USP6NL: variants seen among roughly 807,000 people sequenced by gnomAD.
USP6NL encodes USP6 N-terminal-like protein.
USP6NL carries 26 observed loss-of-function variants against 61.9 expected under a neutral mutation model. The observed-to-expected ratio is 0.42, with a 90% confidence interval of 0.31 to 0.58. The LOEUF is 0.58. USP6NL is among the 20% of genes least tolerant of loss of function. The pLI is 0.16. For missense variants in USP6NL, 1,114 were observed against 1,034.3 expected (o/e 1.08, Z -1.06); for synonymous variants, 432 against 390.1 (o/e 1.11, Z -1.27).
intron 2 of USP6NL, among the ~76,000 whole-genome samples, chr10:11,557,282 A>AG (rs1376653453): frequency 6.6e-6 from 1 of 152,216 alleles, no homozygotes; most frequent in Non-Finnish European, 1.5e-5. Context: ...AGTAATAGAA[A>AG]GGATTAAGGA....
chr10:11,493,730 C>T (rs2133275234), intron 7 of USP6NL, among the ~76,000 whole-genome samples: 1 of 152,348 alleles, frequency 6.6e-6, no homozygotes, highest in East Asian at 1.9e-4. Flanking sequence ...GTTCCACCAG[C>T]TTCATCTTGC....
chr10:11,592,535 T>C lies in USP6NL; in HGVS notation c.4+5096A>G, dbSNP rs1003916004. ...TTCCCAAATCTAAATTTATCAAACATAAATGAGTCTTAATATAACAAAAGG... is the reference window on the plus strand; with the variant it reads ...TTCCCAAATCTAAATTTATCAAACACAAATGAGTCTTAATATAACAAAAGG... On this transcript the variant is annotated intron_variant, in intron 2 of 14. Transcript: ENST00000609104. This position sits in a 1 kb window ranked among gnomAD's most constrained non-coding sequence, Gnocchi z 4.7. 2.6e-4 allele frequency among the ~76,000 whole-genome samples: 40 copies of C among 152,234 alleles called. 1 individual carries two copies. The highest frequency in any genetic ancestry group is 2.2e-3 in the Admixed American group (34 of 15,286).
intron 2 of USP6NL, among the ~76,000 whole-genome samples, chr10:11,550,563 C>T (rs1836443426): frequency 6.6e-6 from 1 of 151,954 alleles, no homozygotes. Flanking sequence ...CAAGACCAGC[C>T]CAGCCAACAT....
At position 11,573,170 on chromosome 10, in the gene USP6NL, CAAAT is replaced by C. The variant is rs148316590; in HGVS notation, c.4+24457_4+24460del. On this transcript the variant is annotated intron_variant, in intron 2 of 14. Transcript: ENST00000609104. ...ACTATTATTTTATCAGCTATTCACA[CAAAT>C]AAAAATCATCTAGTTCTTATGTTCT... 3.1e-3 allele frequency among the ~76,000 whole-genome samples: 473 copies of C among 152,246 alleles called. 6 individuals carry two copies. Among genetic ancestry groups the C allele is most frequent in the African/African-American group, 0.011 (459 of 41,574 alleles).
rs145034794 is a variant in USP6NL at position 11,513,230 on chromosome 10, T to C, written c.196-3555A>G. Among the ~76,000 whole-genome samples the C allele has an allele frequency of 0.027, 4,164 of 152,308 alleles. 77 individuals carry two copies. The highest frequency in any genetic ancestry group is 0.046 in the Non-Finnish European group (3,097 of 68,032). ...GGAGGGGTGGGAAGTAGAATGAATATGAACAGATAGACTGAAACCAGAATG... is the reference window on the plus strand; with the variant it reads ...GGAGGGGTGGGAAGTAGAATGAATACGAACAGATAGACTGAAACCAGAATG... On this transcript the variant is annotated intron_variant, in intron 5 of 14. Coordinates refer to ENST00000609104, the MANE Select transcript of USP6NL (RefSeq NM_014688.5). This position sits in a 1 kb window ranked among gnomAD's most constrained non-coding sequence, Gnocchi z 4.7.
Position 11,474,018 on chromosome 10 carries a change from G to A in USP6NL, c.1078+7752C>T, listed in dbSNP as rs776793360. Among the ~76,000 whole-genome samples, 8 of 151,996 alleles carry A rather than the reference G, an allele frequency of 5.3e-5. No individual in the cohort carries two copies. The highest frequency in any genetic ancestry group is 1.3e-4 in the Admixed American group (2 of 15,270). ...GCACCACCTTCGAGATAATAAAGGC[G>A]GTGCCACCCGATGGAACTCACCTGG... On this transcript the variant is annotated intron_variant, in intron 14 of 14. Coordinates refer to ENST00000609104, the MANE Select transcript of USP6NL (RefSeq NM_014688.5). This position sits in a 1 kb window ranked among gnomAD's most constrained non-coding sequence, Gnocchi z 4.9.
rs1451658267 is a variant in USP6NL at position 11,485,243 on chromosome 10, A to T, written c.760-9T>A. 12 of 1,517,074 alleles carry T rather than the reference A, an allele frequency of 7.9e-6. No homozygotes were observed. Among genetic ancestry groups the T allele is most frequent in the Non-Finnish European group, 1.1e-5 (12 of 1,137,652 alleles). 94.0% of individuals were successfully genotyped at this position (1,517,074 alleles called of 1,614,324 possible). ...TAGATTTCTTGAGAATCCTGAAAAA[A>T]CAAAGAGCTCACAATTTATGGATTG... On this transcript the variant is annotated splice_polypyrimidine_tract_variant and intron_variant, in intron 11 of 14. Coordinates refer to ENST00000609104, the MANE Select transcript of USP6NL (RefSeq NM_014688.5). The surrounding 1 kb of genome is among the most constrained non-coding windows in gnomAD (Gnocchi z 4.8).
Position 11,476,671 on chromosome 10 carries a change from C to T in USP6NL, c.1078+5099G>A, listed in dbSNP as rs1006732980. ...CCAAACCCACACACAAAAACCCCCA[C>T]AAAACTCCTCTTCACACAAATCTAG... On this transcript the variant is annotated intron_variant, in intron 14 of 14. Coordinates refer to ENST00000609104, the MANE Select transcript of USP6NL (RefSeq NM_014688.5). This position sits in a 1 kb window ranked among gnomAD's most constrained non-coding sequence, Gnocchi z 4.3. Among the ~76,000 whole-genome samples the T allele has an allele frequency of 1.3e-5, 2 of 152,062 alleles. No individual in the cohort carries two copies. The highest frequency in any genetic ancestry group is 4.2e-4 in the South Asian group (2 of 4,816).
rs1476350735 is a variant in USP6NL at position 11,461,607 on chromosome 10, G to GC, written c.*833dup. 1.3e-5 allele frequency: 2 copies of GC among 152,318 alleles called. No homozygotes were observed. Among genetic ancestry groups the GC allele is most frequent in the East Asian group, 1.9e-4 (1 of 5,194 alleles). 9.4% of individuals were successfully genotyped at this position (152,318 alleles called of 1,614,324 possible). On this transcript the variant is annotated 3_prime_UTR_variant, in exon 15 of 15. Transcript: ENST00000609104. Reference sequence around the variant, plus strand: ...TGCAACTTCTCCTGCTCTGAGATTCGCAAGAGTCAGACCAGAACAAAGGGC... The same window carrying GC: ...TGCAACTTCTCCTGCTCTGAGATTCGCCAAGAGTCAGACCAGAACAAAGGGC...
chr10:11,590,366 G>T lies in USP6NL; in HGVS notation c.4+7265C>A, dbSNP rs561585116. Among the ~76,000 whole-genome samples the T allele has an allele frequency of 4.6e-5, 7 of 152,230 alleles. No individual in the cohort carries two copies. The South Asian group carries it at 1.5e-3, about 32-fold the overall frequency. On this transcript the variant is annotated intron_variant, in intron 2 of 14. Coordinates refer to ENST00000609104, the MANE Select transcript of USP6NL (RefSeq NM_014688.5). ...TACAATGGCACCCATCACATACACT[G>T]ATAGCCACAAATTCCCTTAGTAGAA...
chr10:11,570,965 T>C (rs1438300835), intron 2 of USP6NL, among the ~76,000 whole-genome samples: 1 of 152,174 alleles, frequency 6.6e-6, no homozygotes, highest in African/African-American at 2.4e-5. Flanking sequence ...ACTAACCCAC[T>C]AGACTATGTT....
Position 11,562,013 on chromosome 10 carries a change from G to T in USP6NL, c.5-34446C>A, listed in dbSNP as rs1421097587. Among the ~76,000 whole-genome samples, 1 of 152,122 alleles carries T rather than the reference G, an allele frequency of 6.6e-6. No individual in the cohort carries two copies. Among genetic ancestry groups the T allele is most frequent in the Non-Finnish European group, 1.5e-5 (1 of 68,010 alleles). On this transcript the variant is annotated intron_variant, in intron 2 of 14. Transcript: ENST00000609104. The surrounding 1 kb of genome is among the most constrained non-coding windows in gnomAD (Gnocchi z 4.8). ...TGTTCTGAGTAAAAAAAAGAAATTT[G>T]CTCATGCCTGTAATCCCAGCACTTT... is the stretch of plus-strand genomic sequence containing the variant.
In USP6NL at chr10:11,540,615, A is replaced by AT. The variant is rs554012366; in HGVS notation, c.5-13049dup. Among the ~76,000 whole-genome samples, 66 of 152,310 alleles carry AT rather than the reference A, an allele frequency of 4.3e-4. No homozygotes were observed. Among genetic ancestry groups the AT allele is most frequent in the African/African-American group, 1.4e-3 (58 of 41,566 alleles). On this transcript the variant is annotated intron_variant, in intron 2 of 14. Coordinates refer to ENST00000609104, the MANE Select transcript of USP6NL (RefSeq NM_014688.5). This position sits in a 1 kb window ranked among gnomAD's most constrained non-coding sequence, Gnocchi z 5.0. ...ACAAGAAATGTTCTAATTACAGCAA[A>AT]TTCTTGCAGACCAGATATAAGAAGA...
intron 8 of USP6NL, 21 bp downstream of exon 8, chr10:11,493,098 A>C: frequency 6.4e-7 from 1 of 1,551,694 alleles, no homozygotes. Flanking sequence ...TTAACATTTC[A>C]TAATATTAAA....
intron 2 of USP6NL, among the ~76,000 whole-genome samples, chr10:11,530,188 G>A (rs1406997931): frequency 7.9e-5 from 12 of 151,158 alleles, no homozygotes; most frequent in Non-Finnish European, 1.5e-4. Context: ...TATCAGAACT[G>A]CAAAACATGA....
intron 1 of USP6NL, among the ~76,000 whole-genome samples, chr10:11,608,658 C>T (rs1258742421): frequency 1.3e-5 from 2 of 152,310 alleles, no homozygotes; most frequent in Admixed American, 1.3e-4. Context: ...GCTCCCTGTA[C>T]TTCACATCAA....
chr10:11,508,918 T>C lies in USP6NL; in HGVS notation c.276+677A>G, dbSNP rs953597262. On this transcript the variant is annotated intron_variant, in intron 6 of 14. Transcript: ENST00000609104. ...ACTTGAAGGAAGATAACTGACACAG[T>C]ATTTATTGCCACTGATGATATTTGA... Among the ~76,000 whole-genome samples the C allele has an allele frequency of 5.9e-5, 9 of 152,222 alleles. No individual in the cohort carries two copies. In the South Asian group the frequency reaches 1.2e-3, roughly 21 times the overall value.
chr10:11,473,129 A>T (rs907374914), intron 14 of USP6NL, among the ~76,000 whole-genome samples: 1 of 152,250 alleles, frequency 6.6e-6, no homozygotes, highest in Non-Finnish European at 1.5e-5. Flanking sequence ...CAGTCAAGCT[A>T]GAGAATGGTT....
At chr10:11,550,701 G>A (rs1836448110) in intron 2 of USP6NL, among the ~76,000 whole-genome samples, 1 of 152,056 alleles carries the variant, frequency 6.6e-6, no homozygotes, top group Non-Finnish European at 1.5e-5. Context: ...AGGCTGCAGT[G>A]AGCTGAGATC....
Sources: gnomAD v4.1 joint callset for allele counts (sites outside exome capture counted in the v4.1 genomes callset) on GRCh38, gnomAD v4.1.1 for gene constraint, Gnocchi (gnomAD v3.1) non-coding constraint, MANE v1.5 for transcripts, NCBI Gene and HGNC (gene_info 2026-07-23, HGNC 2026-07-21) for gene names.